The following DNAH12 variants were observed in gnomAD, a reference collection of about 807,000 sequenced individuals.
DNAH12 encodes dynein axonemal heavy chain 12.
A neutral mutation model predicts 371.5 loss-of-function variants in DNAH12; 285 were observed. The observed-to-expected ratio is 0.77, with a 90% CI of 0.70 to 0.85. DNAH12 has a LOEUF of 0.85. Ranked by LOEUF, DNAH12 falls within the 40% of genes least tolerant of loss-of-function variation. The pLI, the probability that DNAH12 is intolerant of heterozygous loss-of-function variation, is 0.00. For synonymous variants in DNAH12, 1,200 were observed against 1,213.0 expected, an observed-to-expected ratio of 0.99 and a Z score of 0.22; for missense variants, 3,611 against 3,689.4, an observed-to-expected ratio of 0.98 and a Z score of 0.55.
intron 55 of DNAH12, among the ~76,000 whole-genome samples, chr3:57,373,758 C>T (rs1191448939): frequency 1.3e-5 from 2 of 152,198 alleles, no homozygotes; most frequent in African/African-American, 4.8e-5. Context: ...TGCTCTACCA[C>T]AGAACACATT....
At chr3:57,427,138 A>ATGTGATGTG (rs564544771) in intron 34 of DNAH12, among the ~76,000 whole-genome samples, 71 of 138,868 alleles carry the variant, frequency 5.1e-4, no homozygotes, top group African/African-American at 1.6e-3. Context: ...TAAGAAGCGA[A>ATGTGATGTG]TGTGTGTGTG....
At chr3:57,521,543 C>A (rs1344407804) in intron 4 of DNAH12, among the ~76,000 whole-genome samples, 1 of 152,034 alleles carries the variant, frequency 6.6e-6, no homozygotes, top group African/African-American at 2.4e-5. Context: ...TACTTGTGTG[C>A]GTCTATTTCT....
chr3:57,297,619 G>A (rs931813371), intron 70 of DNAH12, among the ~76,000 whole-genome samples: 1 of 152,076 alleles, frequency 6.6e-6, no homozygotes, highest in African/African-American at 2.4e-5. Flanking sequence ...GCCTCCCAAA[G>A]TCCTGGGATC....
intron 20 of DNAH12, among the ~76,000 whole-genome samples, chr3:57,458,576 G>A (rs1404917689): frequency 6.6e-6 from 1 of 152,118 alleles, no homozygotes; most frequent in African/African-American, 2.4e-5. Context: ...ACAGCAAGGA[G>A]TTGGCAAACT....
chr3:57,535,244 T>G (rs2068988405), intron 2 of DNAH12, among the ~76,000 whole-genome samples: 2 of 152,214 alleles, frequency 1.3e-5, no homozygotes, highest in Non-Finnish European at 2.9e-5. Context: ...CCCCAAAAGT[T>G]CACGTGTTGG....
intron 60 of DNAH12, among the ~76,000 whole-genome samples, chr3:57,337,940 T>A (rs894857025): frequency 6.6e-6 from 1 of 152,198 alleles, no homozygotes; most frequent in Admixed American, 6.5e-5. Flanking sequence ...CATCAGCACA[T>A]AAAACATTCT....
At position 57,453,418 on chromosome 3, in the gene DNAH12, A is replaced by C; in HGVS notation, c.3457-15T>G. 1 of 1,511,202 alleles carries C rather than the reference A, an allele frequency of 6.6e-7. No homozygotes were observed. The highest frequency in any genetic ancestry group is 8.8e-7 in the Non-Finnish European group (1 of 1,133,364). The allele number at this position is 1,511,202 out of a possible 1,614,324, so 93.6% of individuals were successfully genotyped here. On this transcript the variant is annotated splice_polypyrimidine_tract_variant and intron_variant, in intron 23 of 73. Coordinates refer to ENST00000495027, the MANE Select transcript of DNAH12 (RefSeq NM_001366028.2). The stretch of plus-strand genomic sequence containing the variant: ...TTCTTTAATCCCTACAAAATAAAAA[A>C]AAAAGCAATCTAATTGATGTCACAT...
intron 12 of DNAH12, among the ~76,000 whole-genome samples, chr3:57,487,142 C>T (rs567509183): frequency 3.8e-4 from 58 of 151,666 alleles, no homozygotes; most frequent in Non-Finnish European, 7.7e-4. Flanking sequence ...ATCAGAAATA[C>T]AGGAGGAATG....
rs2066743313 is a variant in DNAH12 at position 57,481,566 on chromosome 3, A to C, written c.1650+1810T>G. On this transcript the variant is annotated intron_variant, in intron 13 of 73. Transcript: ENST00000495027. The stretch of plus-strand genomic sequence containing the variant: ...GACTTTCTTCACAGAATTGGAAAAA[A>C]CTACTTTGAAGTTCATATGGAACCA... Among the ~76,000 whole-genome samples the C allele has an allele frequency of 1.3e-5, 2 of 152,304 alleles. 1 individual carries two copies. Among genetic ancestry groups the C allele is most frequent in the South Asian group, 4.2e-4 (2 of 4,808 alleles).
At chr3:57,478,875 G>T (rs1402388430) in intron 13 of DNAH12, among the ~76,000 whole-genome samples, 1 of 152,106 alleles carries the variant, frequency 6.6e-6, no homozygotes, top group Admixed American at 6.5e-5. Flanking sequence ...AGCAAATGCT[G>T]AGAGATTTTG....
chr3:57,555,370 T>TA, the DNAH12 span, among the ~76,000 whole-genome samples: 8 of 152,312 alleles, frequency 5.3e-5, no homozygotes, highest in African/African-American at 1.7e-4. Context: ...AGTAACTAAA[T>TA]AGAGTCTTCC....
chr3:57,388,278 TC>T (rs1446580498), intron 45 of DNAH12, among the ~76,000 whole-genome samples: 1 of 152,204 alleles, frequency 6.6e-6, no homozygotes, highest in African/African-American at 2.4e-5. Flanking sequence ...AAAACAGCAT[TC>T]CTTCCCCCAT....
At chr3:57,469,332 A>G (rs73078560) in intron 16 of DNAH12, among the ~76,000 whole-genome samples, 15,856 of 152,180 alleles carry the variant, frequency 0.1, 999 homozygotes, top group South Asian at 0.15. Context: ...AAAACAAAAA[A>G]CAGATGCTGT....
At chr3:57,369,514 T>C (rs1050636078) in intron 55 of DNAH12, among the ~76,000 whole-genome samples, 2 of 151,880 alleles carry the variant, frequency 1.3e-5, no homozygotes, top group Non-Finnish European at 1.5e-5. Flanking sequence ...TGTGTTCTTT[T>C]AGTTTCTTTC....
intron 29 of DNAH12, among the ~76,000 whole-genome samples, chr3:57,439,690 G>T (rs1209657036): frequency 6.6e-6 from 1 of 152,078 alleles, no homozygotes; most frequent in Non-Finnish European, 1.5e-5. Context: ...TGACAAGTGG[G>T]ACCTATTTAA....
chr3:57,503,872 T>G (rs2153391447), intron 9 of DNAH12, 144 bp downstream of exon 9: 1 of 692,832 alleles, frequency 1.4e-6, no homozygotes. Context: ...AGCGACTTTT[T>G]CAAAGAGAAA....
chr3:57,466,565 T>C (rs2066208796), intron 17 of DNAH12, among the ~76,000 whole-genome samples: 2 of 152,172 alleles, frequency 1.3e-5, no homozygotes, highest in Admixed American at 1.3e-4. Flanking sequence ...AAACTGTTCT[T>C]ATTCTCTCTT....
intron 12 of DNAH12, among the ~76,000 whole-genome samples, chr3:57,486,728 G>A (rs529900397): frequency 6.6e-6 from 1 of 152,248 alleles, no homozygotes; most frequent in South Asian, 2.1e-4. Context: ...AAAAAATGCT[G>A]AGGATCCCTT....
At chr3:57,301,191 A>T (rs572939500) in intron 70 of DNAH12, among the ~76,000 whole-genome samples, 12 of 143,984 alleles carry the variant, frequency 8.3e-5, no homozygotes, top group Non-Finnish European at 1.5e-4. Context: ...AGAGGATCCC[A>T]GGATTTTGAG....
Sources: allele counts gnomAD v4.1 joint callset (sites outside exome capture counted in the v4.1 genomes callset), GRCh38; gene constraint gnomAD v4.1.1; transcripts MANE v1.5; gene names NCBI Gene and HGNC (gene_info 2026-07-23, HGNC 2026-07-21).